Variants in PITPNM3 observed in about 807,000 individuals in gnomAD.
The protein encoded by PITPNM3 is membrane-associated phosphatidylinositol transfer protein 3.
In PITPNM3, 26 loss-of-function variants were observed where a neutral mutation model predicts 102.0. The observed-to-expected ratio is 0.25, with a 90% CI of 0.19 to 0.35. The LOEUF is 0.35. Among genes scored for constraint, PITPNM3 ranks in the 10% least tolerant of loss-of-function variants. The probability of loss-of-function intolerance (pLI) is 1.00; values close to 1 mark genes in which losing one functional copy is unlikely to be tolerated. For missense variants in PITPNM3, 1,083 were observed against 1,346.1 expected, an observed-to-expected ratio of 0.80 and a Z score of 3.06; for synonymous variants, 578 against 558.6, an observed-to-expected ratio of 1.03 and a Z score of -0.49.
intron 3 of PITPNM3, among the ~76,000 whole-genome samples, chr17:6,524,100 C>G (rs1908690258): frequency 6.6e-6 from 1 of 152,196 alleles, no homozygotes; most frequent in African/African-American, 2.4e-5. Context: ...AAAAGGAGAG[C>G]TCTGAACCAA....
rs1908269736 is a variant in PITPNM3 at position 6,517,744 on chromosome 17, G to T, written c.226+7612C>A. Reference sequence around the variant, plus strand: ...CCAGCTAGTTGTTTAATTTTTTGTAGAGGTAGGAGTCACTCTCTTTACCCA... The same window carrying T: ...CCAGCTAGTTGTTTAATTTTTTGTATAGGTAGGAGTCACTCTCTTTACCCA... On this transcript the variant is annotated intron_variant, in intron 3 of 19. Transcript: ENST00000262483. The surrounding 1 kb of genome is among the most constrained non-coding windows in gnomAD (Gnocchi z 4.1). Among the ~76,000 whole-genome samples the T allele has an allele frequency of 6.6e-6, 1 of 152,046 alleles. No homozygotes were observed. Among genetic ancestry groups the T allele is most frequent in the Admixed American group, 6.6e-5 (1 of 15,266 alleles).
rs767579255 is a variant in PITPNM3 at position 6,455,500 on chromosome 17, G to C, written c.2763C>G (p.Asn921Lys). Residue 921 changes from asparagine (N) to lysine (K), a missense_variant, in exon 20 of 20, where the codon AAC becomes AAG. By Grantham distance (94) the Asn-to-Lys change is moderately conservative (BLOSUM62 0). Around this residue, in one of 5 missense-constraint regions of PITPNM3, gnomAD observed 208 missense variants for 178.2 expected, o/e 1.17. Transcript: ENST00000262483. ...GCACTGACATGGTTCTGCGCAGGTG[G>C]TTGCGCTTCCGCAGGAACTCTGGCT... ...HAQPEFLRKR[N>K]HLRRTMSVQQ... The C allele has an allele frequency of 2.5e-6, 4 of 1,606,166 alleles. No individual in the cohort carries two copies. In the African/African-American group the frequency reaches 5.3e-5, roughly 21 times the overall value.
chr17:6,456,596 A>C (rs1914126856), intron 19 of PITPNM3, among the ~76,000 whole-genome samples: 1 of 152,086 alleles, frequency 6.6e-6, no homozygotes, highest in Admixed American at 6.5e-5. Flanking sequence ...CATGTCAACA[A>C]GATCTCCAGG....
Position 6,457,862 on chromosome 17 carries a change from T to A in PITPNM3, c.2491-140A>T. 2 of 1,261,142 alleles carry A rather than the reference T, an allele frequency of 1.6e-6. No individual in the cohort carries two copies. Among genetic ancestry groups the A allele is most frequent in the Non-Finnish European group, 2.2e-6 (2 of 902,560 alleles). 78.1% of individuals were successfully genotyped at this position (1,261,142 alleles called of 1,614,324 possible). ...GACTCCAAGCCATGGGGCCACCCTGTGTCAGGAATGAACCCTCAGAGTGGC... is the reference window on the plus strand; with the variant it reads ...GACTCCAAGCCATGGGGCCACCCTGAGTCAGGAATGAACCCTCAGAGTGGC... On this transcript the variant is annotated intron_variant, in intron 18 of 19. Transcript: ENST00000262483. This position sits in a 1 kb window ranked among gnomAD's most constrained non-coding sequence, Gnocchi z 4.7.
chr17:6,516,371 G>C (rs966673113), intron 3 of PITPNM3, among the ~76,000 whole-genome samples: 3 of 151,402 alleles, frequency 2.0e-5, no homozygotes, highest in Non-Finnish European at 2.9e-5. Context: ...AGACCATCCT[G>C]GCTAACATGG....
intron 3 of PITPNM3, among the ~76,000 whole-genome samples, chr17:6,507,905 G>A (rs1003648698): frequency 6.6e-6 from 1 of 152,122 alleles, no homozygotes. Flanking sequence ...ACTTAGCCTG[G>A]GCAGGATGTC....
Position 6,470,412 on chromosome 17 carries a change from T to C in PITPNM3, c.1625-4A>G, listed in dbSNP as rs201735102. On this transcript the variant is annotated splice_region_variant and splice_polypyrimidine_tract_variant and intron_variant, in intron 12 of 19. Transcript: ENST00000262483. This position sits in a 1 kb window ranked among gnomAD's most constrained non-coding sequence, Gnocchi z 4.8. ...CTTCCCCACCACTTGGCTGTGACTGTGGGTCGGAGAGGAAGGTGAGGATGC... is the reference window on the plus strand; with the variant it reads ...CTTCCCCACCACTTGGCTGTGACTGCGGGTCGGAGAGGAAGGTGAGGATGC... 3.3e-5 allele frequency: 54 copies of C among 1,613,998 alleles called. 1 individual carries two copies. In the African/African-American group the frequency reaches 5.9e-4, roughly 18 times the overall value.
intron 5 of PITPNM3, among the ~76,000 whole-genome samples, chr17:6,483,987 A>G (rs1489671880): frequency 1.3e-5 from 2 of 152,130 alleles, no homozygotes; most frequent in Admixed American, 1.3e-4. Flanking sequence ...ATTCAGAGTG[A>G]GGGAAGGACA....
At chr17:6,536,823 C>T (rs1025835324) in intron 2 of PITPNM3, among the ~76,000 whole-genome samples, 1 of 152,204 alleles carries the variant, frequency 6.6e-6, no homozygotes, top group South Asian at 2.1e-4. Context: ...AGGAGTAAGT[C>T]AACACCCTAA....
intron 4 of PITPNM3, among the ~76,000 whole-genome samples, chr17:6,496,581 T>G (rs1351463882): frequency 6.6e-6 from 1 of 152,170 alleles, no homozygotes; most frequent in Non-Finnish European, 1.5e-5. Context: ...ATCCTCACGC[T>G]TTTCATTTTA....
At chr17:6,546,936 G>A (rs1910050835) in intron 1 of PITPNM3, among the ~76,000 whole-genome samples, 1 of 152,140 alleles carries the variant, frequency 6.6e-6, no homozygotes, top group African/African-American at 2.4e-5. Context: ...GAACCCGGGA[G>A]GTGGATGTTG....
At chr17:6,486,018 CT>C (rs1906072034) in intron 4 of PITPNM3, among the ~76,000 whole-genome samples, 1 of 152,182 alleles carries the variant, frequency 6.6e-6, no homozygotes. Context: ...CTGTCAACCC[CT>C]GATCTAACAC....
rs948567581 is a variant in PITPNM3 at position 6,505,034 on chromosome 17, C to T, written c.227-1460G>A. On this transcript the variant is annotated intron_variant, in intron 3 of 19. Coordinates refer to ENST00000262483, the MANE Select transcript of PITPNM3 (RefSeq NM_031220.4). ...TACTAAAATACAAAAACTAGCCAGG[C>T]GTGGTGGCGCATATCTATAATCCCG... Among the ~76,000 whole-genome samples, 4 of 151,872 alleles carry T rather than the reference C, an allele frequency of 2.6e-5. No individual in the cohort carries two copies. In the South Asian group the frequency reaches 6.3e-4, roughly 24 times the overall value.
In PITPNM3 at chr17:6,470,195, G is replaced by A; in HGVS notation, c.1773+65C>T. On this transcript the variant is annotated intron_variant, in intron 13 of 19. Coordinates refer to ENST00000262483, the MANE Select transcript of PITPNM3 (RefSeq NM_031220.4). The surrounding 1 kb of genome is among the most constrained non-coding windows in gnomAD (Gnocchi z 4.8). ...GTCTGCAAGAATAGCCTCCTCTCCA[G>A]CTGGAGAAGGGGCGGTACCCCCTTG... The A allele has an allele frequency of 6.7e-7, 1 of 1,503,518 alleles. No homozygotes were observed. The highest frequency in any genetic ancestry group is 9.0e-7 in the Non-Finnish European group (1 of 1,106,848). The allele number at this position is 1,503,518 out of a possible 1,614,324, so 93.1% of individuals were successfully genotyped here.
rs368779193 is a variant in PITPNM3, at chr17:6,484,219, G to A, written c.348C>T (p.Ser116=). The A allele has an allele frequency of 7.5e-6, 12 of 1,606,716 alleles. No individual in the cohort carries two copies. The highest frequency in any genetic ancestry group is 4.5e-5 in the East Asian group (2 of 44,852). The change falls in exon 5 of 20, where the codon AGC becomes AGT. Residue 116 remains serine, a synonymous_variant. Transcript: ENST00000262483. ...AQGSIEIHED[S]EEGCPQRSCK... ...CACCCTCCGAAGCCCAGCCTACCTC[G>A]CTGTCTTCGTGGATCTCGATGCTTC...
chr17:6,550,144 T>C (rs182567261), intron 1 of PITPNM3, among the ~76,000 whole-genome samples: 4 of 152,292 alleles, frequency 2.6e-5, no homozygotes, highest in African/African-American at 7.2e-5. Context: ...CAGTTCAAGG[T>C]CAACCAGTGC....
In PITPNM3 at chr17:6,468,847, G is replaced by A. The variant is rs530768276; in HGVS notation, c.1774-506C>T. 2.6e-5 allele frequency among the ~76,000 whole-genome samples: 4 copies of A among 152,120 alleles called. No homozygotes were observed. Among genetic ancestry groups the A allele is most frequent in the Admixed American group, 6.5e-5 (1 of 15,290 alleles). ...GATTCCTCATGCCTCTCCAGTGACC[G>A]CCACATCCCTGCTGTCCCTCACAGC... is the stretch of plus-strand genomic sequence containing the variant. On this transcript the variant is annotated intron_variant, in intron 13 of 19. Transcript: ENST00000262483. This position sits in a 1 kb window ranked among gnomAD's most constrained non-coding sequence, Gnocchi z 5.2.
chr17:6,503,682 G>A, intron 3 of PITPNM3, 108 bp from the exon 4 acceptor site: 1 of 1,135,502 alleles, frequency 8.8e-7, no homozygotes, highest in South Asian at 1.3e-5. Context: ...TCTAGAGCTT[G>A]GGATGGGCAG....
intron 1 of PITPNM3, among the ~76,000 whole-genome samples, chr17:6,549,199 G>A (rs568397451): frequency 1.5e-4 from 23 of 152,120 alleles, no homozygotes; most frequent in African/African-American, 4.1e-4. Context: ...GCAACCCCCC[G>A]CAGCCCCTTG....
Sources: gnomAD v4.1 joint callset for allele counts (sites outside exome capture counted in the v4.1 genomes callset) on GRCh38, gnomAD v4.1.1 for gene constraint, gnomAD v4.1.1 regional missense constraint, Gnocchi (gnomAD v3.1) non-coding constraint, MANE v1.5 for transcripts, NCBI Gene and HGNC (gene_info 2026-07-23, HGNC 2026-07-21) for gene names.